Variants in SMIM41 observed in about 807,000 individuals in gnomAD.
SMIM41 encodes small integral membrane protein 41.
chr12:52,103,309 A>G (rs1442247932), intron 2 of SMIM41, among the ~76,000 whole-genome samples: 8 of 150,906 alleles, frequency 5.3e-5, no homozygotes, highest in Non-Finnish European at 1.0e-4. Flanking sequence ...CCTGTGTGAT[A>G]GAGTGAGACT....
At chr12:52,098,952 T>C (rs1429019718) in intron 2 of SMIM41, among the ~76,000 whole-genome samples, 2 of 151,990 alleles carry the variant, frequency 1.3e-5, no homozygotes, top group African/African-American at 4.8e-5. Context: ...GCTCTGGATA[T>C]TAGGAACAAT....
intron 2 of SMIM41, among the ~76,000 whole-genome samples, chr12:52,086,304 A>G (rs1592322249): frequency 6.6e-6 from 1 of 152,014 alleles, no homozygotes; most frequent in Admixed American, 6.5e-5. Context: ...CTGAGCTGCA[A>G]CCACCACTAC....
intron 2 of SMIM41, among the ~76,000 whole-genome samples, chr12:52,090,512 G>A (rs974483366): frequency 5.9e-5 from 9 of 152,218 alleles, no homozygotes; most frequent in African/African-American, 2.2e-4. Flanking sequence ...CACCTGCTGT[G>A]GTCGGGGAAC....
intron 2 of SMIM41, among the ~76,000 whole-genome samples, chr12:52,096,962 A>T (rs1940108623): frequency 6.6e-6 from 1 of 151,874 alleles, no homozygotes; most frequent in Non-Finnish European, 1.5e-5. Context: ...CGGGGAGAGG[A>T]CGGTATTAAT....
chr12:52,080,541 G>A (rs1234012501), intron 1 of SMIM41, among the ~76,000 whole-genome samples: 1 of 152,186 alleles, frequency 6.6e-6, no homozygotes, highest in East Asian at 1.9e-4. Context: ...GGAGGCCACA[G>A]TGTGCTTTGG....
chr12:52,105,587 C>T (rs1940320186), intron 2 of SMIM41, among the ~76,000 whole-genome samples: 2 of 152,082 alleles, frequency 1.3e-5, no homozygotes, highest in South Asian at 4.1e-4. Flanking sequence ...CCCGTCTCTA[C>T]TAAAAATAGA....
intron 1 of SMIM41, among the ~76,000 whole-genome samples, chr12:52,080,468 CAG>C (rs905998658): frequency 3.9e-5 from 6 of 152,196 alleles, no homozygotes; most frequent in Non-Finnish European, 8.8e-5. Flanking sequence ...TTTCTACGAA[CAG>C]AGGCTGCTGT....
chr12:52,102,528 A>T (rs1940237931), intron 2 of SMIM41, among the ~76,000 whole-genome samples: 1 of 152,246 alleles, frequency 6.6e-6, no homozygotes, highest in South Asian at 2.1e-4. Flanking sequence ...GCCAGAACTA[A>T]ACAACAAGAA....
intron 1 of SMIM41, among the ~76,000 whole-genome samples, chr12:52,082,523 G>A (rs753500336): frequency 7.2e-5 from 11 of 152,188 alleles, no homozygotes; most frequent in Non-Finnish European, 1.5e-4. Context: ...CTGTCAGGCT[G>A]AGTGGGCAGG....
At chr12:52,082,437 G>A (rs1939831611) in intron 1 of SMIM41, among the ~76,000 whole-genome samples, 1 of 152,180 alleles carries the variant, frequency 6.6e-6, no homozygotes, top group Non-Finnish European at 1.5e-5. Context: ...GCAGGGCGTG[G>A]GGTGTGCCAG....
intron 2 of SMIM41, among the ~76,000 whole-genome samples, chr12:52,085,047 T>G (rs1939874476): frequency 1.3e-5 from 2 of 151,442 alleles, no homozygotes; most frequent in African/African-American, 4.9e-5. Flanking sequence ...TGTGCGGTGG[T>G]GCCACCCACT....
At chr12:52,103,474 CACGACCAG>C (rs1160105523) in intron 2 of SMIM41, among the ~76,000 whole-genome samples, 1 of 151,438 alleles carries the variant, frequency 6.6e-6, no homozygotes, top group African/African-American at 2.4e-5. Context: ...AAAGGATAAA[CACGACCAG>C]ACTCAGTGGC....
rs1939853135 is a variant in SMIM41, at chr12:52,083,901, AAGAAG to A, written c.*136_*140del. ...GAACCTGACCATTCCTAGAGAGGAG[AAGAAG>A]AGAAGAGGAGAGGAGAGAAGAGAAG... On this transcript the variant is annotated 3_prime_UTR_variant, in exon 2 of 3. Transcript: ENST00000546390. 1 of 152,176 alleles carries A rather than the reference AAGAAG, an allele frequency of 6.6e-6. No homozygotes were observed. The highest frequency in any genetic ancestry group is 1.5e-5 in the Non-Finnish European group (1 of 68,056). The allele number at this position is 152,176 out of a possible 1,614,324, so 9.4% of individuals were successfully genotyped here.
rs946460048 is a variant in SMIM41 at position 52,081,328 on chromosome 12, G to A, written c.*120+1147G>A. Among the ~76,000 whole-genome samples, 11 of 152,074 alleles carry A rather than the reference G, an allele frequency of 7.2e-5. No homozygotes were observed. Among genetic ancestry groups the A allele is most frequent in the African/African-American group, 2.7e-4 (11 of 41,392 alleles). On this transcript the variant is annotated intron_variant, in intron 1 of 2. Coordinates refer to ENST00000546390, the MANE Select transcript of SMIM41 (RefSeq NM_001369216.1). This position sits in a 1 kb window ranked among gnomAD's most constrained non-coding sequence, Gnocchi z 4.1. The stretch of plus-strand genomic sequence containing the variant: ...TAGGGCAGGGTCCCAGTTTCCATCC[G>A]AGAAAGGAGTCAGGCTGAGTGCCTG...
At chr12:52,096,782 A>C (rs1940105179) in intron 2 of SMIM41, among the ~76,000 whole-genome samples, 1 of 151,584 alleles carries the variant, frequency 6.6e-6, no homozygotes, top group Non-Finnish European at 1.5e-5. Context: ...TCAATTAATA[A>C]TTGATATTAT....
In SMIM41 at chr12:52,081,129, A is replaced by G. The variant is rs1317859677; in HGVS notation, c.*120+948A>G. ...GACAAGGTAACTACAGGCGAAAGCCACCTGGGACAGAGCCACAGGGGCTGG... is the reference window on the plus strand; with the variant it reads ...GACAAGGTAACTACAGGCGAAAGCCGCCTGGGACAGAGCCACAGGGGCTGG... On this transcript the variant is annotated intron_variant, in intron 1 of 2. Coordinates refer to ENST00000546390, the MANE Select transcript of SMIM41 (RefSeq NM_001369216.1). This position sits in a 1 kb window ranked among gnomAD's most constrained non-coding sequence, Gnocchi z 4.1. Among the ~76,000 whole-genome samples the G allele has an allele frequency of 6.6e-6, 1 of 152,132 alleles. No individual in the cohort carries two copies. Among genetic ancestry groups the G allele is most frequent in the Non-Finnish European group, 1.5e-5 (1 of 67,994 alleles).
chr12:52,107,182 T>C, intron 2 of SMIM41, 197 bp from the exon 3 acceptor site: 1 of 358,032 alleles, frequency 2.8e-6, no homozygotes, highest in South Asian at 2.1e-5. Context: ...TTGTCAGAAC[T>C]GCAAAATATT....
chr12:52,092,152 G>GA (rs1217460089), intron 2 of SMIM41: 1 of 152,240 alleles, frequency 6.6e-6, no homozygotes, highest in Non-Finnish European at 1.5e-5. Flanking sequence ...CAAAGGCACA[G>GA]GTGGCTGGTG....
rs1365197567 is a variant in SMIM41 at position 52,079,881 on chromosome 12, G to T, written c.102G>T (p.Ala34=). The change falls in exon 1 of 3, where the codon GCG becomes GCT. Residue 34 remains alanine (A), a synonymous_variant. Coordinates refer to ENST00000546390, the MANE Select transcript of SMIM41 (RefSeq NM_001369216.1). The stretch of plus-strand genomic sequence containing the variant: ...CGGAGCCCCCCGAGGGGCCGCGCGC[G>T]GTGCAGGCGGTGGTGCTCGGCGTGC... ...SPPEPPEGPR[A]VQAVVLGVLS... 7.7e-6 allele frequency: 3 copies of T among 390,238 alleles called. No individual in the cohort carries two copies. The highest frequency in any genetic ancestry group is 1.4e-5 in the Non-Finnish European group (3 of 220,656). The allele number at this position is 390,238 out of a possible 1,614,324, so 24.2% of individuals were successfully genotyped here. A position where few individuals can be genotyped will look rare whatever the true frequency, so the allele number is the denominator to read the frequency against.
Sources: gnomAD v4.1 joint callset for allele counts (sites outside exome capture counted in the v4.1 genomes callset) on GRCh38, gnomAD v4.1.1 for gene constraint, Gnocchi (gnomAD v3.1) non-coding constraint, MANE v1.5 for transcripts, NCBI Gene and HGNC (gene_info 2026-07-23, HGNC 2026-07-21) for gene names.